CDH9: variants seen among roughly 807,000 people sequenced by gnomAD.
CDH9 encodes cadherin-9.
A neutral mutation model predicts 70.9 loss-of-function variants in CDH9; 28 were observed. The observed-to-expected ratio is 0.40, with a 90% CI of 0.29 to 0.54. CDH9 has a LOEUF of 0.54. CDH9 is among the 20% of genes least tolerant of loss of function. CDH9 has a pLI of 0.59. For synonymous variants in CDH9, 409 were observed against 343.1 expected (o/e 1.19, Z -2.12); for missense variants, 874 against 984.4 (o/e 0.89, Z 1.50).
intron 1 of CDH9, among the ~76,000 whole-genome samples, chr5:27,014,334 A>G (rs563084707): frequency 1.3e-5 from 2 of 152,026 alleles, no homozygotes; most frequent in South Asian, 4.1e-4. Context: ...GTATCTGAAG[A>G]GTTCCCATGA....
chr5:27,027,627 TATCTGGCTCCAGG>T (rs1743241831), intron 1 of CDH9, among the ~76,000 whole-genome samples: 1 of 152,076 alleles, frequency 6.6e-6, no homozygotes, highest in South Asian at 2.1e-4. Flanking sequence ...GTAAGTAGGA[TATCTGGCTCCAGG>T]ACTCTACCTG....
At chr5:26,907,207 G>A (rs1232274988) in intron 3 of CDH9, among the ~76,000 whole-genome samples, 1 of 151,980 alleles carries the variant, frequency 6.6e-6, no homozygotes, top group East Asian at 1.9e-4. Context: ...CTGGAAACAT[G>A]TATTTAAAAG....
intron 2 of CDH9, among the ~76,000 whole-genome samples, chr5:26,923,833 T>G (rs559916258): frequency 3.2e-4 from 49 of 151,934 alleles, no homozygotes; most frequent in Non-Finnish European, 6.6e-4. Context: ...ATGAATAAAT[T>G]AAGAAGAAAA....
intron 7 of CDH9, among the ~76,000 whole-genome samples, chr5:26,899,382 GCAC>G (rs1740812287): frequency 1.3e-5 from 2 of 152,100 alleles, no homozygotes; most frequent in African/African-American, 4.8e-5. Flanking sequence ...TATGTTTATT[GCAC>G]CACTATTCAC....
chr5:27,035,698 GTGTGTGT>G, intron 1 of CDH9, among the ~76,000 whole-genome samples: 1 of 150,846 alleles, frequency 6.6e-6, no homozygotes, highest in Non-Finnish European at 1.5e-5. Context: ...GTGTGTGTGT[GTGTGTGT>G]GTGTGGGTGT....
intron 1 of CDH9, among the ~76,000 whole-genome samples, chr5:27,018,447 G>A (rs1743082735): frequency 6.6e-6 from 1 of 151,604 alleles, no homozygotes; most frequent in African/African-American, 2.4e-5. Context: ...AAAAAGTACA[G>A]CATTCATTTC....
At chr5:26,989,231 C>A (rs951264344) in intron 1 of CDH9, among the ~76,000 whole-genome samples, 14 of 152,058 alleles carry the variant, frequency 9.2e-5, no homozygotes, top group African/African-American at 3.4e-4. Flanking sequence ...GGATGAAAAT[C>A]ATTGTTCACT....
Position 26,909,116 on chromosome 5 carries a change from TG to T in CDH9, c.524-2279del, listed in dbSNP as rs543956982. Among the ~76,000 whole-genome samples, 6 of 152,188 alleles carry T rather than the reference TG, an allele frequency of 3.9e-5. No homozygotes were observed. In the South Asian group the frequency reaches 1.2e-3, roughly 32 times the overall value. Reference sequence around the variant, plus strand: ...CTCCTGCCTCAGCCTCCCGAGTAGCTGGGACTACAGGTGCCCGCCACCAAGC... The same window carrying T: ...CTCCTGCCTCAGCCTCCCGAGTAGCTGGACTACAGGTGCCCGCCACCAAGC... On this transcript the variant is annotated intron_variant, in intron 3 of 11. Transcript: ENST00000231021.
At chr5:26,901,359 G>A (rs534849918) in intron 7 of CDH9, among the ~76,000 whole-genome samples, 2 of 151,712 alleles carry the variant, frequency 1.3e-5, no homozygotes, top group South Asian at 2.1e-4. Context: ...ACTACACATT[G>A]GATTTTATGG....
intron 2 of CDH9, among the ~76,000 whole-genome samples, chr5:26,969,877 A>AT (rs397719209): frequency 1.3e-5 from 2 of 149,638 alleles, no homozygotes; most frequent in African/African-American, 4.9e-5. Flanking sequence ...TGGTTAAAAA[A>AT]TGTGTGTAAC....
intron 1 of CDH9, among the ~76,000 whole-genome samples, chr5:27,017,870 T>C (rs1056000941): frequency 2.0e-5 from 3 of 152,020 alleles, no homozygotes; most frequent in Non-Finnish European, 2.9e-5. Flanking sequence ...GGTTATTTAA[T>C]GTATATTATA....
At chr5:26,929,765 C>T (rs1741408011) in intron 2 of CDH9, among the ~76,000 whole-genome samples, 1 of 152,036 alleles carries the variant, frequency 6.6e-6, no homozygotes, top group Non-Finnish European at 1.5e-5. Context: ...TACATATTCT[C>T]ATTTATTTGT....
At chr5:26,898,794 T>C (rs1345191270) in intron 7 of CDH9, among the ~76,000 whole-genome samples, 1 of 151,962 alleles carries the variant, frequency 6.6e-6, no homozygotes, top group Non-Finnish European at 1.5e-5. Context: ...CCAAAAGCAA[T>C]GACAACAAAA....
At chr5:26,899,863 T>A (rs1329754571) in intron 7 of CDH9, among the ~76,000 whole-genome samples, 1 of 146,954 alleles carries the variant, frequency 6.8e-6, no homozygotes, top group African/African-American at 2.5e-5. Flanking sequence ...GAACTTAAAG[T>A]ATAATTTAAA....
intron 11 of CDH9, among the ~76,000 whole-genome samples, chr5:26,883,044 T>TAGATATATAC: frequency 3.6e-5 from 1 of 28,148 alleles, no homozygotes; most frequent in East Asian, 1.2e-3. Context: ...GATCATCTTA[T>TAGATATATAC]ATATATATAT....
At chr5:26,961,728 G>A (rs571391246) in intron 2 of CDH9, among the ~76,000 whole-genome samples, 4 of 152,216 alleles carry the variant, frequency 2.6e-5, no homozygotes, top group Non-Finnish European at 4.4e-5. Flanking sequence ...AATTTTAATT[G>A]TGTTGTAGGA....
At chr5:27,008,325 A>C (rs2112112734) in intron 1 of CDH9, among the ~76,000 whole-genome samples, 1 of 152,112 alleles carries the variant, frequency 6.6e-6, no homozygotes, top group African/African-American at 2.4e-5. Context: ...CCCCATCTCC[A>C]CTAAAAATAC....
At chr5:26,928,842 C>G (rs1033350304) in intron 2 of CDH9, among the ~76,000 whole-genome samples, 1 of 151,924 alleles carries the variant, frequency 6.6e-6, no homozygotes, top group African/African-American at 2.4e-5. Context: ...AAAATTAAAT[C>G]AAAATGAACT....
intron 2 of CDH9, among the ~76,000 whole-genome samples, chr5:26,972,832 C>T (rs1420227180): frequency 6.6e-6 from 1 of 151,652 alleles, no homozygotes; most frequent in Non-Finnish European, 1.5e-5. Flanking sequence ...AATCTTGATG[C>T]TGCTAACTGT....
Sources: allele counts gnomAD v4.1 joint callset (sites outside exome capture counted in the v4.1 genomes callset), GRCh38; gene constraint gnomAD v4.1.1; transcripts MANE v1.5; gene names NCBI Gene and HGNC (gene_info 2026-07-23, HGNC 2026-07-21).